The following FAS variants were observed in gnomAD, a reference collection of about 807,000 sequenced individuals.
The protein encoded by FAS is tumor necrosis factor receptor superfamily member 6.
Under a neutral mutation model 33.2 loss-of-function variants are expected in FAS, and 5 were observed. The ratio of observed to expected loss-of-function variants is 0.15; its 90% CI spans 0.08 to 0.32. FAS has a LOEUF of 0.32. Ranked by LOEUF, FAS falls within the 10% of genes least tolerant of loss-of-function variation. The pLI is 1.00. For missense variants in FAS, 339 were observed against 386.0 expected (o/e 0.88, Z 1.02); for synonymous variants, 131 against 130.7 (o/e 1.00, Z -0.01).
At chr10:88,992,837 C>A (rs538469186) in intron 1 of FAS, among the ~76,000 whole-genome samples, 4 of 152,242 alleles carry the variant, frequency 2.6e-5, no homozygotes, top group Non-Finnish European at 4.4e-5. Flanking sequence ...TAACATCAGG[C>A]CTTTATCCTT....
chr10:88,973,190 A>ATTCCTTTC (rs1846488401), exon 2 of FAS: 1 of 1,612,220 alleles, frequency 6.2e-7, no homozygotes, highest in Non-Finnish European at 8.5e-7. Flanking sequence ...AGATTCAGAA[A>ATTCCTTTC]TTCCTTTCTG....
At chr10:88,998,085 C>A (rs1310016572) in intron 1 of FAS, among the ~76,000 whole-genome samples, 3 of 152,126 alleles carry the variant, frequency 2.0e-5, no homozygotes, top group Non-Finnish European at 4.4e-5. Context: ...ATAGTTCATT[C>A]CTTATATTAA....
At chr10:88,970,815 A>G (rs773986806) in intron 1 of FAS, among the ~76,000 whole-genome samples, 1 of 152,194 alleles carries the variant, frequency 6.6e-6, no homozygotes, top group Non-Finnish European at 1.5e-5. Context: ...ACGTGTATAC[A>G]TATGTAACAA....
chr10:88,987,891 A>G (rs1408416990), upstream of FAS, among the ~76,000 whole-genome samples: 2 of 152,230 alleles, frequency 1.3e-5, no homozygotes, highest in Non-Finnish European at 2.9e-5. Flanking sequence ...TTTGAGTAAA[A>G]CATTTGCTTT....
chr10:89,013,183 A>G (rs1848616522), intron 7 of FAS, among the ~76,000 whole-genome samples, 160 bp from the exon 8 acceptor site: 2 of 152,212 alleles, frequency 1.3e-5, no homozygotes, highest in Admixed American at 6.5e-5. Flanking sequence ...GAATGGTAAA[A>G]GTAACCTTCT....
At chr10:88,997,535 T>G (rs1484472638) in intron 1 of FAS, among the ~76,000 whole-genome samples, 2 of 152,182 alleles carry the variant, frequency 1.3e-5, no homozygotes, top group African/African-American at 4.8e-5. Context: ...GTACAGATTT[T>G]GAAAAACATA....
chr10:88,984,340 A>G (rs1244002442), upstream of FAS, among the ~76,000 whole-genome samples: 1 of 152,042 alleles, frequency 6.6e-6, no homozygotes, highest in Non-Finnish European at 1.5e-5. Context: ...TTATGGTCCC[A>G]GAGGTCTCTC....
rs1198045874 is a variant in FAS, at chr10:89,014,016, TAGCTATATTCTGA to T, written c.677-100_677-88del. On this transcript the variant is annotated intron_variant, in intron 8 of 8. Transcript: ENST00000652046. ...CAGCTCTTCATAGACCTTTAGGACT[TAGCTATATTCTGA>T]AGTACTATAAAAAGAGAAATAAACA... 44 of 1,203,404 alleles carry T rather than the reference TAGCTATATTCTGA, an allele frequency of 3.7e-5. No individual in the cohort carries two copies. The Admixed American group carries it at 8.8e-4, about 24-fold the overall frequency. The allele number at this position is 1,203,404 out of a possible 1,614,324, so 74.5% of individuals were successfully genotyped here.
At chr10:88,988,331 A>G (rs1451223566), upstream of FAS, among the ~76,000 whole-genome samples, 1 of 152,200 alleles carries the variant, frequency 6.6e-6, no homozygotes, top group Non-Finnish European at 1.5e-5. Context: ...GCAATTTAGT[A>G]AAAACAATTT....
At chr10:88,984,172 A>G (rs1846803088), upstream of FAS, among the ~76,000 whole-genome samples, 1 of 152,238 alleles carries the variant, frequency 6.6e-6, no homozygotes, top group Admixed American at 6.5e-5. Context: ...ATAGGAAGTT[A>G]TAACATCGGG....
At chr10:88,996,523 T>C (rs1438129676) in intron 1 of FAS, among the ~76,000 whole-genome samples, 2 of 152,170 alleles carry the variant, frequency 1.3e-5, no homozygotes, top group Non-Finnish European at 2.9e-5. Flanking sequence ...AGAGATCTAG[T>C]GTACAACTTG....
upstream of FAS, among the ~76,000 whole-genome samples, chr10:88,988,481 CTTGT>C (rs1846987299): frequency 9.0e-6 from 1 of 110,672 alleles, no homozygotes; most frequent in South Asian, 3.3e-4. Context: ...AGTCAAGATT[CTTGT>C]TTAAGTGTTA....
chr10:89,001,647 A>C (rs1404057650), intron 1 of FAS, among the ~76,000 whole-genome samples: 2 of 151,846 alleles, frequency 1.3e-5, no homozygotes, highest in African/African-American at 4.8e-5. Flanking sequence ...CATTTCTTCT[A>C]CTCTGTAACC....
chr10:88,980,270 G>A (rs1180985394), intron 2 of FAS, among the ~76,000 whole-genome samples: 1 of 152,134 alleles, frequency 6.6e-6, no homozygotes, highest in Admixed American at 6.5e-5. Context: ...TAGATTTGAA[G>A]AGCATCTGGG....
At position 89,014,674 on chromosome 10, in the gene FAS, G is replaced by A; in HGVS notation, c.*224G>A. 1 of 675,738 alleles carries A rather than the reference G, an allele frequency of 1.5e-6. No individual in the cohort carries two copies. Among genetic ancestry groups the A allele is most frequent in the Non-Finnish European group, 2.7e-6 (1 of 370,258 alleles). The allele number at this position is 675,738 out of a possible 1,614,324, so 41.9% of individuals were successfully genotyped here. ...AAACTTCATCAAGAGTAAATGCAGT[G>A]GCATGCTAAGTACCCAAATAGGAGT... On this transcript the variant is annotated 3_prime_UTR_variant, in exon 9 of 9. Coordinates refer to ENST00000652046, the MANE Select transcript of FAS (RefSeq NM_000043.6).
chr10:89,003,929 A>T (rs1848075423), intron 2 of FAS, among the ~76,000 whole-genome samples: 2 of 152,202 alleles, frequency 1.3e-5, no homozygotes, highest in Admixed American at 6.5e-5. Flanking sequence ...GGCTTCCAGC[A>T]CTCAAGCTGT....
chr10:88,978,691 A>G (rs909624128), intron 2 of FAS, among the ~76,000 whole-genome samples: 1 of 152,120 alleles, frequency 6.6e-6, no homozygotes, highest in African/African-American at 2.4e-5. Flanking sequence ...AGCTCACCCT[A>G]CTTCAGGGAA....
chr10:89,013,803 G>C (rs1393007021), intron 8 of FAS, among the ~76,000 whole-genome samples: 1 of 152,134 alleles, frequency 6.6e-6, no homozygotes, highest in Non-Finnish European at 1.5e-5. Flanking sequence ...TTAGATTTGT[G>C]GGTCATTGAT....
intron 1 of FAS, among the ~76,000 whole-genome samples, chr10:88,996,900 C>T (rs1268673537): frequency 6.6e-6 from 1 of 152,194 alleles, no homozygotes; most frequent in East Asian, 1.9e-4. Context: ...TTGTATGACC[C>T]ACGTGGCCCC....
Sources: gnomAD v4.1 joint callset for allele counts (sites outside exome capture counted in the v4.1 genomes callset) on GRCh38, gnomAD v4.1.1 for gene constraint, MANE v1.5 for transcripts, NCBI Gene and HGNC (gene_info 2026-07-23, HGNC 2026-07-21) for gene names.